The following INPP4B variants were observed in gnomAD, a reference collection of about 807,000 sequenced individuals.
INPP4B encodes inositol polyphosphate 4-phosphatase type II.
A neutral mutation model predicts 122.5 loss-of-function variants in INPP4B; 55 were observed. The ratio of observed to expected loss-of-function variants is 0.45; its 90% CI spans 0.36 to 0.56. INPP4B has a LOEUF of 0.56. Among genes scored for constraint, INPP4B ranks in the 20% least tolerant of loss-of-function variants. The probability of loss-of-function intolerance (pLI) is 0.00; values close to 1 mark genes in which losing one functional copy is unlikely to be tolerated. For synonymous variants in INPP4B, 403 were observed against 388.7 expected, an observed-to-expected ratio of 1.04 and a Z score of -0.43; for missense variants, 1,000 against 1,097.7, an observed-to-expected ratio of 0.91 and a Z score of 1.26.
At chr4:142,810,758 A>G (rs1456473775) in intron 1 of INPP4B, among the ~76,000 whole-genome samples, 1 of 152,204 alleles carries the variant, frequency 6.6e-6, no homozygotes, top group African/African-American at 2.4e-5. Context: ...TATTAGTCTC[A>G]CATTGTAATC....
At chr4:142,817,924 T>C (rs928738839) in intron 1 of INPP4B, among the ~76,000 whole-genome samples, 6 of 152,150 alleles carry the variant, frequency 3.9e-5, no homozygotes, top group Non-Finnish European at 7.4e-5. Flanking sequence ...CTTAGCTGTG[T>C]GGTATTTTGC....
intron 5 of INPP4B, among the ~76,000 whole-genome samples, chr4:142,419,685 G>C (rs1371495104): frequency 6.6e-6 from 1 of 152,096 alleles, no homozygotes; most frequent in Non-Finnish European, 1.5e-5. Flanking sequence ...AGACTGTTTT[G>C]TACAATAGAA....
chr4:142,780,463 A>G (rs1367535854), intron 1 of INPP4B, among the ~76,000 whole-genome samples: 1 of 152,204 alleles, frequency 6.6e-6, no homozygotes, highest in African/African-American at 2.4e-5. Context: ...GAAAACACAT[A>G]CACTTAGCAC....
intron 14 of INPP4B, among the ~76,000 whole-genome samples, chr4:142,197,922 T>G (rs1267268289): frequency 6.6e-6 from 1 of 152,124 alleles, no homozygotes; most frequent in Non-Finnish European, 1.5e-5. Context: ...ACAAAAAAAC[T>G]TATACTGTAA....
intron 2 of INPP4B, among the ~76,000 whole-genome samples, chr4:142,548,780 C>CATAT (rs141009965): frequency 1.3e-4 from 20 of 149,668 alleles, no homozygotes; most frequent in South Asian, 2.1e-4. Context: ...TGTGTGTATA[C>CATAT]ATATATATAT....
At chr4:142,584,644 C>T (rs1005030713) in intron 2 of INPP4B, among the ~76,000 whole-genome samples, 9 of 147,926 alleles carry the variant, frequency 6.1e-5, no homozygotes, top group African/African-American at 2.4e-4. Context: ...ATATTATCTA[C>T]ATATGACATA....
intron 1 of INPP4B, among the ~76,000 whole-genome samples, chr4:142,782,820 T>C (rs1280345996): frequency 6.6e-6 from 1 of 151,638 alleles, no homozygotes; most frequent in African/African-American, 2.4e-5. Context: ...AACAGAGATA[T>C]AGATCAATGG....
chr4:142,515,063 T>G (rs546724063), intron 2 of INPP4B, among the ~76,000 whole-genome samples: 2 of 152,284 alleles, frequency 1.3e-5, no homozygotes, highest in African/African-American at 2.4e-5. Context: ...CCCAAAGTGC[T>G]GGGATTACAG....
intron 18 of INPP4B, among the ~76,000 whole-genome samples, chr4:142,143,016 G>A (rs1430342861): frequency 2.0e-5 from 3 of 151,920 alleles, no homozygotes; most frequent in African/African-American, 4.8e-5. Flanking sequence ...TCTCTGCCTC[G>A]GCCCCATGTC....
At chr4:142,208,099 G>GTT (rs1357727881) in intron 14 of INPP4B, among the ~76,000 whole-genome samples, 2 of 151,798 alleles carry the variant, frequency 1.3e-5, no homozygotes, top group Non-Finnish European at 2.9e-5. Flanking sequence ...AACAAATTTT[G>GTT]TTTTTTATTT....
At chr4:142,153,189 G>A (rs539536348) in intron 17 of INPP4B, among the ~76,000 whole-genome samples, 4 of 152,290 alleles carry the variant, frequency 2.6e-5, no homozygotes, top group African/African-American at 9.6e-5. Context: ...GATGTTATCT[G>A]CACACTATTA....
Position 142,803,730 on chromosome 4 carries a change from A to G in INPP4B, c.-254+42479T>C, listed in dbSNP as rs75921299. ...AGCAAGACACTGATGTTAATCCTCA[A>G]TAGGATTACTCAGTGAAAACACAAA... On this transcript the variant is annotated intron_variant, in intron 1 of 25. Transcript: ENST00000262992. Among the ~76,000 whole-genome samples the G allele has an allele frequency of 4.9e-3, 741 of 152,102 alleles. 9 individuals are homozygous for G. The highest frequency in any genetic ancestry group is 0.017 in the African/African-American group (702 of 41,504).
At chr4:142,093,013 C>G (rs553288224) in intron 23 of INPP4B, among the ~76,000 whole-genome samples, 2 of 152,234 alleles carry the variant, frequency 1.3e-5, no homozygotes, top group East Asian at 3.9e-4. Flanking sequence ...AAGTAATGAT[C>G]TGTGGCTTCT....
At chr4:142,838,093 G>A (rs1183183441) in intron 1 of INPP4B, among the ~76,000 whole-genome samples, 1 of 151,402 alleles carries the variant, frequency 6.6e-6, no homozygotes, top group Non-Finnish European at 1.5e-5. Flanking sequence ...ACAGTAGCTG[G>A]CAAATAGTAA....
chr4:142,049,264 G>A (rs1014915325), intron 25 of INPP4B, among the ~76,000 whole-genome samples: 2 of 152,068 alleles, frequency 1.3e-5, no homozygotes, highest in African/African-American at 2.4e-5. Flanking sequence ...AGAGTATCAT[G>A]TCAAAGTATA....
intron 11 of INPP4B, among the ~76,000 whole-genome samples, chr4:142,238,215 T>C (rs528594921): frequency 6.6e-6 from 1 of 152,114 alleles, no homozygotes; most frequent in African/African-American, 2.4e-5. Flanking sequence ...AAGAATTTTA[T>C]TTTGACATCT....
intron 2 of INPP4B, among the ~76,000 whole-genome samples, chr4:142,719,643 T>C (rs765276800): frequency 2.6e-5 from 4 of 151,984 alleles, no homozygotes; most frequent in Non-Finnish European, 4.4e-5. Context: ...CTTATTAATT[T>C]CTGAAAAAAA....
At chr4:142,469,060 C>T (rs1818338254) in intron 2 of INPP4B, among the ~76,000 whole-genome samples, 2 of 151,728 alleles carry the variant, frequency 1.3e-5, no homozygotes, top group Admixed American at 1.3e-4. Flanking sequence ...GTTTCCATCC[C>T]TAATTGTAAA....
chr4:142,351,963 G>A (rs1366276161), intron 7 of INPP4B, among the ~76,000 whole-genome samples: 1 of 151,848 alleles, frequency 6.6e-6, no homozygotes, highest in East Asian at 1.9e-4. Context: ...AATACTAAAT[G>A]TAATATAGCT....
Sources: gnomAD v4.1 joint callset for allele counts (sites outside exome capture counted in the v4.1 genomes callset) on GRCh38, gnomAD v4.1.1 for gene constraint, MANE v1.5 for transcripts, NCBI Gene and HGNC (gene_info 2026-07-23, HGNC 2026-07-21) for gene names.